Variants in FSTL5 observed in about 807,000 individuals in gnomAD.
FSTL5 encodes follistatin like 5, also known as follistatin-related protein 5.
In FSTL5, 62 loss-of-function variants were observed where a neutral mutation model predicts 89.1. The ratio of observed to expected loss-of-function variants is 0.70; its 90% CI spans 0.57 to 0.86. The LOEUF (loss-of-function observed/expected upper bound fraction) is 0.86. FSTL5 is among the 40% of genes least tolerant of loss of function. The pLI is 0.00. For missense variants in FSTL5, 1,057 were observed against 1,001.6 expected, an observed-to-expected ratio of 1.06 and a Z score of -0.75; for synonymous variants, 383 against 346.2, an observed-to-expected ratio of 1.11 and a Z score of -1.18.
chr4:161,776,940 G>C (rs1054751270), intron 4 of FSTL5, among the ~76,000 whole-genome samples: 4 of 151,342 alleles, frequency 2.6e-5, no homozygotes, highest in African/African-American at 9.7e-5. Context: ...CAGTTCCCCT[G>C]TTTTCTTACC....
At chr4:162,154,804 C>G (rs866795175) in intron 1 of FSTL5, among the ~76,000 whole-genome samples, 3 of 151,312 alleles carry the variant, frequency 2.0e-5, no homozygotes, top group Non-Finnish European at 4.4e-5. Flanking sequence ...TAATTGTAAA[C>G]TATGCAGGTT....
At chr4:161,737,453 G>T (rs1739859048) in intron 6 of FSTL5, among the ~76,000 whole-genome samples, 1 of 151,874 alleles carries the variant, frequency 6.6e-6, no homozygotes, top group South Asian at 2.1e-4. Context: ...ATCTAAAGAA[G>T]ATCAACTATC....
At chr4:161,452,677 G>C (rs1173625773) in intron 15 of FSTL5, among the ~76,000 whole-genome samples, 1 of 152,024 alleles carries the variant, frequency 6.6e-6, no homozygotes, top group East Asian at 1.9e-4. Context: ...ACTGCACCAA[G>C]AAATTTGATG....
Position 161,446,701 on chromosome 4 carries a change from C to T in FSTL5, c.1841+8303G>A, listed in dbSNP as rs573987800. 1.3e-5 allele frequency among the ~76,000 whole-genome samples: 2 copies of T among 152,126 alleles called. 1 individual carries two copies. Among genetic ancestry groups the T allele is most frequent in the East Asian group, 3.9e-4 (2 of 5,180 alleles). On this transcript the variant is annotated intron_variant, in intron 15 of 15. Transcript: ENST00000306100. ...TAAATATATGTATTAATAGGCCATGCAATGTACACTTTCAATTCATGTAAG... is the reference window on the plus strand; with the variant it reads ...TAAATATATGTATTAATAGGCCATGTAATGTACACTTTCAATTCATGTAAG...
chr4:162,101,986 A>G (rs962586895), intron 2 of FSTL5, among the ~76,000 whole-genome samples: 5 of 152,150 alleles, frequency 3.3e-5, no homozygotes, highest in Non-Finnish European at 5.9e-5. Flanking sequence ...CTACATATAC[A>G]TATTTGGAGT....
rs554017083 is a variant in FSTL5, at chr4:161,501,673, A to G, written c.1340-1539T>C. 2.0e-4 allele frequency among the ~76,000 whole-genome samples: 30 copies of G among 152,126 alleles called. No individual in the cohort carries two copies. The Middle Eastern group carries it at 0.014, about 69-fold the overall frequency. ...ATTATAATTCCAGAGAGCAATGCATAAAGACGGAATATTCCTGAACAGAAG... is the reference window on the plus strand; with the variant it reads ...ATTATAATTCCAGAGAGCAATGCATGAAGACGGAATATTCCTGAACAGAAG... On this transcript the variant is annotated intron_variant, in intron 11 of 15. Coordinates refer to ENST00000306100, the MANE Select transcript of FSTL5 (RefSeq NM_020116.5).
intron 6 of FSTL5, among the ~76,000 whole-genome samples, chr4:161,723,612 G>A (rs575827485): frequency 2.0e-5 from 3 of 152,154 alleles, no homozygotes; most frequent in Non-Finnish European, 4.4e-5. Context: ...TGCATCCTGG[G>A]AGATGGAATG....
intron 3 of FSTL5, among the ~76,000 whole-genome samples, chr4:161,933,823 TCTCC>T (rs1734358557): frequency 6.6e-6 from 1 of 151,968 alleles, no homozygotes; most frequent in Non-Finnish European, 1.5e-5. Context: ...ACTTACTATG[TCTCC>T]TTTTAGCTGA....
intron 4 of FSTL5, among the ~76,000 whole-genome samples, chr4:161,808,626 CA>C (rs34015058): frequency 0.73 from 110,249 of 150,380 alleles, 40,328 homozygotes; most frequent in East Asian, 0.76. Context: ...AAAAACAGAC[CA>C]AAAAAAAAAC....
Position 161,693,889 on chromosome 4 carries a change from C to T in FSTL5, c.728-37395G>A, listed in dbSNP as rs182924952. On this transcript the variant is annotated intron_variant, in intron 6 of 15. Transcript: ENST00000306100. ...TCCTGACCTCTTGATCTGCCCACCT[C>T]AGCCTCCCAAAGTGCTAGGATTACA... is the stretch of plus-strand genomic sequence containing the variant. Among the ~76,000 whole-genome samples, 171 of 152,156 alleles carry T rather than the reference C, an allele frequency of 1.1e-3. 2 individuals are homozygous for T. The East Asian group carries it at 0.027, about 24-fold the overall frequency.
rs760773148 is a variant in FSTL5, at chr4:161,913,296, C to T, written c.409+7108G>A. On this transcript the variant is annotated intron_variant, in intron 4 of 15. Coordinates refer to ENST00000306100, the MANE Select transcript of FSTL5 (RefSeq NM_020116.5). Reference sequence around the variant, plus strand: ...ATGGCAGCCGCTTCCATCACAGGCCCGGAGGCCCAGGAAGAAAAAGTGGTT... The same window carrying T: ...ATGGCAGCCGCTTCCATCACAGGCCTGGAGGCCCAGGAAGAAAAAGTGGTT... Among the ~76,000 whole-genome samples the T allele has an allele frequency of 2.7e-4, 41 of 152,230 alleles. 1 individual carries two copies. The highest frequency in any genetic ancestry group is 2.2e-4 in the African/African-American group (9 of 41,542).
chr4:161,824,720 T>C (rs1002470740), intron 4 of FSTL5, among the ~76,000 whole-genome samples: 21 of 152,214 alleles, frequency 1.4e-4, no homozygotes, highest in African/African-American at 5.1e-4. Context: ...GGTTGAGTTC[T>C]TGATTTGATT....
At chr4:162,142,391 G>C (rs1455834379) in intron 1 of FSTL5, among the ~76,000 whole-genome samples, 1 of 152,116 alleles carries the variant, frequency 6.6e-6, no homozygotes. Flanking sequence ...GACCTTGATG[G>C]AAATAGAATT....
At chr4:161,900,942 T>C (rs1229106557) in intron 4 of FSTL5, among the ~76,000 whole-genome samples, 1 of 152,106 alleles carries the variant, frequency 6.6e-6, no homozygotes, top group Non-Finnish European at 1.5e-5. Flanking sequence ...TATTTTTTAT[T>C]TACACTATCC....
intron 5 of FSTL5, among the ~76,000 whole-genome samples, chr4:161,775,324 G>T (rs2126803629): frequency 6.6e-6 from 1 of 152,140 alleles, no homozygotes; most frequent in East Asian, 1.9e-4. Context: ...TCTAAAATCA[G>T]TGTATAGTTT....
chr4:161,887,349 C>A (rs1732838539), intron 4 of FSTL5, among the ~76,000 whole-genome samples: 1 of 152,080 alleles, frequency 6.6e-6, no homozygotes, highest in South Asian at 2.1e-4. Flanking sequence ...CAAAATAATT[C>A]TCTATTGTTT....
chr4:162,020,943 T>C (rs1737060757), intron 3 of FSTL5, among the ~76,000 whole-genome samples: 1 of 152,134 alleles, frequency 6.6e-6, no homozygotes, highest in African/African-American at 2.4e-5. Context: ...TTTTTAAATG[T>C]TTTAAATTGC....
At chr4:162,035,121 A>T (rs1737683848) in intron 2 of FSTL5, 1 of 152,082 alleles carries the variant, frequency 6.6e-6, no homozygotes, top group South Asian at 2.1e-4. Flanking sequence ...CCTCTCCTCT[A>T]TTAACATTCA....
intron 4 of FSTL5, among the ~76,000 whole-genome samples, chr4:161,834,158 C>T (rs1730949217): frequency 6.6e-6 from 1 of 152,048 alleles, no homozygotes; most frequent in Non-Finnish European, 1.5e-5. Flanking sequence ...ATATGCAAAT[C>T]AATAAATATA....
Sources: gnomAD v4.1 joint callset for allele counts (sites outside exome capture counted in the v4.1 genomes callset) on GRCh38, gnomAD v4.1.1 for gene constraint, MANE v1.5 for transcripts, NCBI Gene and HGNC (gene_info 2026-07-23, HGNC 2026-07-21) for gene names.